CHRDL2: variants seen among roughly 807,000 people sequenced by gnomAD.
CHRDL2 encodes chordin like 2.
Under a neutral mutation model 54.3 loss-of-function variants are expected in CHRDL2, and 41 were observed. That is an observed-to-expected ratio of 0.76 (90% CI 0.59 to 0.98). The LOEUF is 0.98. Among genes scored for constraint, CHRDL2 ranks in the 50% least tolerant of loss-of-function variants. CHRDL2 has a pLI of 0.00. For synonymous variants in CHRDL2, 220 were observed against 224.3 expected (o/e 0.98, Z 0.17); for missense variants, 518 against 562.4 (o/e 0.92, Z 0.80).
chr11:74,698,720 CA>C (rs879365441), intron 9 of CHRDL2: 24,664 of 135,630 alleles, frequency 0.18, 2,099 homozygotes, highest in East Asian at 0.26. Flanking sequence ...CACACACACA[CA>C]CCCCACATAC....
chr11:74,727,241 AG>A (rs1485857635), intron 1 of CHRDL2, among the ~76,000 whole-genome samples: 1 of 152,238 alleles, frequency 6.6e-6, no homozygotes, highest in Non-Finnish European at 1.5e-5. Flanking sequence ...TGGCACAGCC[AG>A]GGCTGGATCC....
At chr11:74,704,421 G>C in intron 7 of CHRDL2, 65 bp downstream of exon 7, 3 of 1,492,134 alleles carry the variant, frequency 2.0e-6, no homozygotes, top group Non-Finnish European at 2.7e-6. Flanking sequence ...GTTGGGGGTG[G>C]GAGGTGGGAG....
intron 2 of CHRDL2, among the ~76,000 whole-genome samples, chr11:74,714,681 G>A (rs1441607938): frequency 6.6e-6 from 1 of 152,236 alleles, no homozygotes; most frequent in East Asian, 1.9e-4. Flanking sequence ...GCACATGGGT[G>A]CTTAATAAAT....
At chr11:74,706,180 A>G (rs2034003440) in intron 6 of CHRDL2, among the ~76,000 whole-genome samples, 1 of 152,058 alleles carries the variant, frequency 6.6e-6, no homozygotes, top group South Asian at 2.1e-4. Flanking sequence ...TTAAGGGGAG[A>G]CACAGGCTGT....
At chr11:74,712,693 C>T (rs2034236037) in intron 3 of CHRDL2, among the ~76,000 whole-genome samples, 1 of 152,124 alleles carries the variant, frequency 6.6e-6, no homozygotes, top group Admixed American at 6.5e-5. Flanking sequence ...TCTTCTTCAC[C>T]ACTTTCTTGA....
intron 5 of CHRDL2, 83 bp downstream of exon 5, chr11:74,708,217 AGT>A: frequency 1.1e-6 from 1 of 920,114 alleles, no homozygotes; most frequent in Non-Finnish European, 1.5e-6. Context: ...TGTCACCTGC[AGT>A]TCCTCACGGC....
chr11:74,725,789 G>A (rs997835414), intron 1 of CHRDL2, among the ~76,000 whole-genome samples: 1 of 152,166 alleles, frequency 6.6e-6, no homozygotes, highest in African/African-American at 2.4e-5. Context: ...TGGCTGGCCT[G>A]TCCCCAGGCT....
chr11:74,718,502 C>A (rs1376249011), intron 2 of CHRDL2, among the ~76,000 whole-genome samples: 2 of 152,210 alleles, frequency 1.3e-5, no homozygotes, highest in Non-Finnish European at 2.9e-5. Context: ...CTCATCCCAA[C>A]CCAGCCACTA....
In CHRDL2 at chr11:74,704,589, G is replaced by T; in HGVS notation, c.648C>A (p.Pro216=). 1 of 1,595,100 alleles carries T rather than the reference G, an allele frequency of 6.3e-7. No individual in the cohort carries two copies. Among genetic ancestry groups the T allele is most frequent in the Non-Finnish European group, 8.5e-7 (1 of 1,171,790 alleles). Reference sequence around the variant, plus strand: ...AGCTCAGAGGGGCGCTGAGGCCAGTGGGGGCTGGGGTGCCCGGGCCTCTCT... The same window carrying T: ...AGCTCAGAGGGGCGCTGAGGCCAGTTGGGGCTGGGGTGCCCGGGCCTCTCT... ...GRKRGPGTPA[P]TGLSAPLSFI... is the part of the protein sequence containing the mutation. Residue 216 remains proline, a synonymous_variant, in exon 7 of 11, where the codon CCC becomes CCA. Transcript: ENST00000376332.
intron 1 of CHRDL2, among the ~76,000 whole-genome samples, chr11:74,725,374 C>G (rs1186572410): frequency 6.6e-6 from 1 of 152,168 alleles, no homozygotes; most frequent in Non-Finnish European, 1.5e-5. Flanking sequence ...TACCTTGCCA[C>G]CTAACAGAAA....
Position 74,702,906 on chromosome 11 carries a change from G to A in CHRDL2, c.1008C>T (p.Gly336=). The A allele has an allele frequency of 6.2e-6, 10 of 1,614,152 alleles. No homozygotes were observed. The highest frequency in any genetic ancestry group is 1.3e-5 in the African/African-American group (1 of 75,028). Residue 336 remains glycine, a synonymous_variant, in exon 9 of 11, where the codon GGC becomes GGT. Coordinates refer to ENST00000376332, the MANE Select transcript of CHRDL2 (RefSeq NM_001278473.3). Reference sequence around the variant, plus strand: ...ATACCGATGTGTGGACGAGGACCCGGCCCGGTGCCTTGGGACACCTGGTAG... The same window carrying A: ...ATACCGATGTGTGGACGAGGACCCGACCCGGTGCCTTGGGACACCTGGTAG... ...ISSTRCPKAP[G]RVLVHTSVSP...
At chr11:74,718,675 T>C (rs1383715017) in intron 2 of CHRDL2, 45 bp downstream of exon 2, 1 of 1,349,490 alleles carries the variant, frequency 7.4e-7, no homozygotes, top group African/African-American at 1.4e-5. Flanking sequence ...TGGAGGGTTC[T>C]CAGACATCCC....
intron 1 of CHRDL2, 118 bp downstream of exon 1, chr11:74,730,689 G>C (rs1416219571): frequency 1.0e-6 from 1 of 960,252 alleles, no homozygotes. Flanking sequence ...CCACCCCTCC[G>C]GCACAGGTGC....
chr11:74,707,119 CCT>C (rs1472244945), intron 5 of CHRDL2, among the ~76,000 whole-genome samples: 1 of 152,190 alleles, frequency 6.6e-6, no homozygotes, highest in African/African-American at 2.4e-5. Context: ...CCCGAGTGGG[CCT>C]CTCTCTCCCT....
chr11:74,706,631 A>C lies in CHRDL2; in HGVS notation c.527-89T>G, dbSNP rs2034020495. 2.4e-6 allele frequency: 3 copies of C among 1,260,036 alleles called. No individual in the cohort carries two copies. In the South Asian group the frequency reaches 3.6e-5, roughly 15 times the overall value. The allele number at this position is 1,260,036 out of a possible 1,614,324, so 78.1% of individuals were successfully genotyped here. A position where few individuals can be genotyped will look rare whatever the true frequency, so the allele number is the denominator to read the frequency against. On this transcript the variant is annotated intron_variant, in intron 5 of 10. Coordinates refer to ENST00000376332, the MANE Select transcript of CHRDL2 (RefSeq NM_001278473.3). ...AGGCCTCCACCTATAGGCTCTGTCC[A>C]TTCCCAAGGCCTGCTGTCCCATCTG...
chr11:74,703,404 C>T lies in CHRDL2; in HGVS notation c.847G>A (p.Glu283Lys), dbSNP rs1366834649. The T allele has an allele frequency of 4.3e-6, 7 of 1,613,716 alleles. No individual in the cohort carries two copies. Among genetic ancestry groups the T allele is most frequent in the Non-Finnish European group, 5.9e-6 (7 of 1,179,950 alleles). Residue 283 changes from glutamate to lysine, a missense_variant, in exon 8 of 11, where the codon GAG becomes AAG. Glu to Lys is a moderately conservative substitution (Grantham distance 56). Transcript: ENST00000376332. ...CGCTGGCAGTCCTGGCGGCCATCCT[C>T]ACAGGTGCATAGGATGCAGGGCAAG... The part of the protein sequence containing the change: ...GPLPCILCTC[E>K]DGRQDCQRVT...
At chr11:74,709,104 A>G (rs1454474769) in intron 4 of CHRDL2, among the ~76,000 whole-genome samples, 2 of 152,170 alleles carry the variant, frequency 1.3e-5, no homozygotes, top group African/African-American at 4.8e-5. Flanking sequence ...CTGAGAAGTG[A>G]GTGTTCCGGT....
intron 1 of CHRDL2, among the ~76,000 whole-genome samples, chr11:74,726,818 AG>A (rs528320027): frequency 2.5e-4 from 38 of 152,176 alleles, no homozygotes; most frequent in African/African-American, 8.4e-4. Flanking sequence ...GTCAGCCTGG[AG>A]CCGGACTTCA....
At chr11:74,713,577 G>T in intron 2 of CHRDL2, 98 bp from the exon 3 acceptor site, 1 of 896,676 alleles carries the variant, frequency 1.1e-6, no homozygotes, top group Non-Finnish European at 1.8e-6. Flanking sequence ...GCAGAAGTCT[G>T]AACTTGTCGT....
Sources: gnomAD v4.1 joint callset for allele counts (sites outside exome capture counted in the v4.1 genomes callset) on GRCh38, gnomAD v4.1.1 for gene constraint, MANE v1.5 for transcripts, NCBI Gene and HGNC (gene_info 2026-07-23, HGNC 2026-07-21) for gene names.